The following SLC26A5 variants were observed in gnomAD, a reference collection of about 807,000 sequenced individuals.
SLC26A5 encodes solute carrier family 26 member 5.
SLC26A5 carries 51 observed loss-of-function variants against 81.0 expected under a neutral mutation model. That is an observed-to-expected ratio of 0.63 (90% CI 0.50 to 0.80). The LOEUF is 0.80. SLC26A5 is among the 30% of genes least tolerant of loss of function. The probability of loss-of-function intolerance (pLI) is 0.00; values close to 1 mark genes in which losing one functional copy is unlikely to be tolerated. For synonymous variants in SLC26A5, 325 were observed against 332.8 expected (o/e 0.98, Z 0.25); for missense variants, 771 against 905.8 (o/e 0.85, Z 1.91).
chr7:103,414,245 GC>G (rs1349363168), intron 4 of SLC26A5, among the ~76,000 whole-genome samples: 6 of 148,634 alleles, frequency 4.0e-5, no homozygotes, highest in African/African-American at 1.5e-4. Flanking sequence ...GAGTACAGGG[GC>G]ATGTTCATGG....
downstream of SLC26A5, among the ~76,000 whole-genome samples, chr7:103,370,874 C>T (rs548786455): frequency 1.3e-5 from 2 of 152,354 alleles, no homozygotes; most frequent in South Asian, 2.1e-4. Context: ...TTCTTCAAAA[C>T]AGTGCTTTCC....
chr7:103,410,580 G>T (rs970837104), intron 6 of SLC26A5, 31 bp from the exon 7 acceptor site: 1 of 1,567,956 alleles, frequency 6.4e-7, no homozygotes, highest in Non-Finnish European at 8.7e-7. Flanking sequence ...AGAAACAAAT[G>T]AATCACATGA....
chr7:103,419,036 C>G (rs1825132746), intron 4 of SLC26A5, among the ~76,000 whole-genome samples: 2 of 152,096 alleles, frequency 1.3e-5, no homozygotes, highest in South Asian at 4.1e-4. Flanking sequence ...GTGAATATGT[C>G]TCACGAGATC....
At chr7:103,404,311 A>T (rs1181682841) in intron 8 of SLC26A5, among the ~76,000 whole-genome samples, 1 of 152,132 alleles carries the variant, frequency 6.6e-6, no homozygotes, top group Non-Finnish European at 1.5e-5. Context: ...TTGTTTTTGC[A>T]GTGGCTGGTA....
intron 19 of SLC26A5, chr7:103,364,078 T>C: frequency 4.0e-6 from 6 of 1,485,350 alleles, no homozygotes; most frequent in Non-Finnish European, 5.5e-6. Flanking sequence ...ACTTTGTTGA[T>C]TTAGAAGTAG....
intron 19 of SLC26A5, among the ~76,000 whole-genome samples, chr7:103,375,059 T>C (rs1336938882): frequency 6.8e-6 from 1 of 147,200 alleles, no homozygotes; most frequent in Admixed American, 6.8e-5. Flanking sequence ...CACACATATA[T>C]ACACACATAT....
intron 1 of SLC26A5, among the ~76,000 whole-genome samples, chr7:103,443,500 G>A (rs1827033340): frequency 6.6e-6 from 1 of 152,194 alleles, no homozygotes; most frequent in Non-Finnish European, 1.5e-5. Flanking sequence ...GTTTGCATAT[G>A]AGAAATTGTG....
chr7:103,417,852 G>A (rs748838363), intron 4 of SLC26A5, among the ~76,000 whole-genome samples: 18 of 152,092 alleles, frequency 1.2e-4, no homozygotes, highest in Admixed American at 3.3e-4. Context: ...AGGTTCAAGC[G>A]ATTCTCCTGC....
chr7:103,379,745 C>T (rs1821635457), intron 15 of SLC26A5, among the ~76,000 whole-genome samples: 1 of 152,156 alleles, frequency 6.6e-6, no homozygotes, highest in Non-Finnish European at 1.5e-5. Context: ...GAAGTTTACA[C>T]TGGTTTGATT....
intron 2 of SLC26A5, among the ~76,000 whole-genome samples, chr7:103,432,725 G>C (rs1485330046): frequency 6.6e-6 from 1 of 151,990 alleles, no homozygotes; most frequent in Non-Finnish European, 1.5e-5. Flanking sequence ...CTCCCTTGCA[G>C]TGATTTGTAG....
At chr7:103,405,473 G>A (rs761347473) in intron 8 of SLC26A5, among the ~76,000 whole-genome samples, 5 of 152,112 alleles carry the variant, frequency 3.3e-5, no homozygotes, top group Non-Finnish European at 5.9e-5. Context: ...GTTTGCTGAC[G>A]TCCATTCCAG....
intron 19 of SLC26A5, chr7:103,368,919 A>G (rs1233221733): frequency 9.7e-5 from 1 of 10,320 alleles, no homozygotes; most frequent in African/African-American, 1.3e-4. Context: ...GTTATATTAG[A>G]ATCCTCAACA....
chr7:103,352,737 C>A, exon 20 of SLC26A5: 2 of 732,138 alleles, frequency 2.7e-6, no homozygotes, highest in Non-Finnish European at 5.1e-6. Context: ...CTGGTAGATT[C>A]ATTTTTTCTT....
At chr7:103,396,567 G>A (rs1024244423) in intron 9 of SLC26A5, among the ~76,000 whole-genome samples, 3 of 152,116 alleles carry the variant, frequency 2.0e-5, no homozygotes, top group African/African-American at 7.2e-5. Context: ...AGTGAAATAC[G>A]CCAGTCACGA....
At chr7:103,402,395 T>G (rs949462295) in intron 8 of SLC26A5, among the ~76,000 whole-genome samples, 80 of 139,510 alleles carry the variant, frequency 5.7e-4, no homozygotes, top group Non-Finnish European at 1.0e-3. Context: ...GTATTGCTCT[T>G]TTTTTTTTTT....
At position 103,382,499 on chromosome 7, in the gene SLC26A5, G is replaced by A. The variant is rs186837146; in HGVS notation, c.1515-1950C>T. Among the ~76,000 whole-genome samples, 90 of 151,842 alleles carry A rather than the reference G, an allele frequency of 5.9e-4. 1 individual carries two copies. The highest frequency in any genetic ancestry group is 1.1e-3 in the Non-Finnish European group (73 of 67,968). ...CAAGCAGCTGGGATTACAGTTGTGCGCCACCATGCCCAGCTAATTTTTGTA... is the reference window on the plus strand; with the variant it reads ...CAAGCAGCTGGGATTACAGTTGTGCACCACCATGCCCAGCTAATTTTTGTA... On this transcript the variant is annotated intron_variant, in intron 14 of 19. Transcript: ENST00000306312.
At chr7:103,420,187 T>A (rs1825229262) in intron 4 of SLC26A5, among the ~76,000 whole-genome samples, 1 of 151,866 alleles carries the variant, frequency 6.6e-6, no homozygotes, top group Non-Finnish European at 1.5e-5. Context: ...AACAACAAAA[T>A]GTTTCTTGAG....
intron 9 of SLC26A5, among the ~76,000 whole-genome samples, chr7:103,397,300 G>A (rs1051830978): frequency 7.2e-5 from 11 of 152,032 alleles, no homozygotes; most frequent in African/African-American, 2.4e-4. Flanking sequence ...CCAGCACTTT[G>A]GAAGGCCAAG....
exon 20 of SLC26A5, chr7:103,352,879 C>A (rs867364313): frequency 1.3e-6 from 1 of 780,904 alleles, no homozygotes; most frequent in Non-Finnish European, 2.4e-6. Flanking sequence ...TTGGATTACA[C>A]GGCATTTCCC....
Sources: allele counts gnomAD v4.1 joint callset (sites outside exome capture counted in the v4.1 genomes callset), GRCh38; gene constraint gnomAD v4.1.1; transcripts MANE v1.5; gene names NCBI Gene and HGNC (gene_info 2026-07-23, HGNC 2026-07-21).